Variants in ZNF226 observed in about 807,000 individuals in gnomAD.
ZNF226 encodes the protein zinc finger protein 226.
A neutral mutation model predicts 11.4 loss-of-function variants in ZNF226; 6 were observed. The observed-to-expected ratio is 0.53, with a 90% CI of 0.29 to 1.04. The LOEUF is 1.04. ZNF226 is among the 50% of genes least tolerant of loss of function. The pLI, the probability that ZNF226 is intolerant of heterozygous loss-of-function variation, is 0.08. For synonymous variants in ZNF226, 350 were observed against 322.8 expected, an observed-to-expected ratio of 1.08 and a Z score of -0.90; for missense variants, 1,058 against 956.5, an observed-to-expected ratio of 1.11 and a Z score of -1.40.
chr19:44,198,312 A>G, the ZNF226 span, among the ~76,000 whole-genome samples: 1 of 152,102 alleles, frequency 6.6e-6, no homozygotes, highest in Non-Finnish European at 1.5e-5. Flanking sequence ...CAGATTTTAG[A>G]CTCAGCTTGC....
chr19:44,192,457 G>GA, the ZNF226 span, among the ~76,000 whole-genome samples: 1 of 151,900 alleles, frequency 6.6e-6, no homozygotes, highest in East Asian at 1.9e-4. Context: ...TAATCAGAGT[G>GA]AAAAAAGCTT....
downstream of ZNF226, among the ~76,000 whole-genome samples, chr19:44,182,438 G>C (rs1170618562): frequency 6.6e-6 from 1 of 152,166 alleles, no homozygotes; most frequent in African/African-American, 2.4e-5. Context: ...GCAGTGCGGG[G>C]GTTTGGAAAT....
chr19:44,168,305 CT>C (rs1414948246), intron 2 of ZNF226, among the ~76,000 whole-genome samples: 11 of 147,200 alleles, frequency 7.5e-5, no homozygotes, highest in African/African-American at 2.8e-4. Context: ...TTGTTTTTGT[CT>C]TTTTGCTGAA....
chr19:44,175,348 A>G, intron 5 of ZNF226, 150 bp from the exon 6 acceptor site: 1 of 1,418,542 alleles, frequency 7.0e-7, no homozygotes, highest in Non-Finnish European at 9.1e-7. Flanking sequence ...GGTTTCTGTC[A>G]GTATGTAAAC....
chr19:44,176,120 A>G lies in ZNF226; in HGVS notation c.858A>G (p.Gly286=), dbSNP rs1351763656. ...GEKSLTCVER[G]KGFCYSPVLP... ...AGTCTCTTACATGTGTTGAGCGTGG[A>G]AAAGGCTTCTGTTACAGCCCAGTTC... The change falls in exon 6 of 6, where the codon GGA becomes GGG. Residue 286 remains glycine, a synonymous_variant. Transcript: ENST00000337433. 6.2e-7 allele frequency: 1 copy of G among 1,614,204 alleles called. No individual in the cohort carries two copies. The highest frequency in any genetic ancestry group is 8.5e-7 in the Non-Finnish European group (1 of 1,180,026).
Position 44,172,051 on chromosome 19 carries a change from T to C in ZNF226, c.16-37T>C, listed in dbSNP as rs373907228. The C allele has an allele frequency of 8.8e-6, 14 of 1,594,214 alleles. No individual in the cohort carries two copies. In the African/African-American group the frequency reaches 1.9e-4, roughly 21 times the overall value. Reference sequence around the variant, plus strand: ...AGTGTTACCCATCTTCTAGTGGACATTGGTTGTAAGATTGAGGTCATTTGT... The same window carrying C: ...AGTGTTACCCATCTTCTAGTGGACACTGGTTGTAAGATTGAGGTCATTTGT... On this transcript the variant is annotated intron_variant, in intron 3 of 5. Transcript: ENST00000337433.
At chr19:44,185,769 C>G in the ZNF226 span, among the ~76,000 whole-genome samples, 3 of 152,096 alleles carry the variant, frequency 2.0e-5, no homozygotes, top group Admixed American at 6.6e-5. Flanking sequence ...TTGATATAAT[C>G]CCATTTGTCT....
Position 44,177,361 on chromosome 19 carries a change from A to C in ZNF226, c.2099A>C (p.Lys700Thr), listed in dbSNP as rs770526931. The change falls in exon 6 of 6, where the codon AAA becomes ACA. Residue 700 changes from lysine to threonine, a missense_variant. Transcript: ENST00000337433. ...QRVHTGEKPY[K>T]CGECGKYFSQ... ...GTGCACACAGGAGAAAAACCATATA[A>C]ATGTGGGGAGTGTGGTAAGTACTTC... is the stretch of plus-strand genomic sequence containing the variant. 7.4e-6 allele frequency: 12 copies of C among 1,613,882 alleles called. No homozygotes were observed. Among genetic ancestry groups the C allele is most frequent in the South Asian group, 3.3e-5 (3 of 91,064 alleles).
At chr19:44,171,041 T>G (rs1222321816) in intron 3 of ZNF226, among the ~76,000 whole-genome samples, 1 of 152,216 alleles carries the variant, frequency 6.6e-6, no homozygotes, top group Non-Finnish European at 1.5e-5. Context: ...TTTATAACAT[T>G]TATTTTTGTT....
At chr19:44,180,402 A>G (rs1288910505), downstream of ZNF226, among the ~76,000 whole-genome samples, 1 of 152,190 alleles carries the variant, frequency 6.6e-6, no homozygotes, top group African/African-American at 2.4e-5. Flanking sequence ...TTGTTCCTGG[A>G]CTGCATCTTC....
chr19:44,182,339 G>A (rs1970917210), downstream of ZNF226, among the ~76,000 whole-genome samples: 1 of 145,858 alleles, frequency 6.9e-6, no homozygotes, highest in African/African-American at 2.8e-5. Flanking sequence ...CACACGTGAT[G>A]CGCGCGCGCG....
chr19:44,166,465 A>C (rs1252705222), intron 2 of ZNF226, among the ~76,000 whole-genome samples: 1 of 152,152 alleles, frequency 6.6e-6, no homozygotes, highest in Non-Finnish European at 1.5e-5. Context: ...ACACCGGTGC[A>C]CTCCAGCCTC....
intron 3 of ZNF226, among the ~76,000 whole-genome samples, chr19:44,171,260 AT>A (rs199579437): frequency 2.0e-5 from 3 of 151,962 alleles, no homozygotes; most frequent in Admixed American, 2.0e-4. Context: ...GGTACTTCAG[AT>A]TTTTTTTGAT....
chr19:44,184,406 C>G, the ZNF226 span, among the ~76,000 whole-genome samples: 1 of 151,992 alleles, frequency 6.6e-6, no homozygotes, highest in Admixed American at 6.6e-5. Context: ...ATGGTGAAAC[C>G]CTGTCTCTAC....
At position 44,170,458 on chromosome 19, in the gene ZNF226, C is replaced by T. The variant is rs567111094; in HGVS notation, c.15+363C>T. Among the ~76,000 whole-genome samples, 299 of 151,640 alleles carry T rather than the reference C, an allele frequency of 2.0e-3. 1 individual carries two copies. Among genetic ancestry groups the T allele is most frequent in the Middle Eastern group, 3.4e-3 (1 of 294 alleles). ...TTTACTAAAAATACAAAAATTAGGCCGGGCATGGTGGCTCACGCCTGTAAT... is the reference window on the plus strand; with the variant it reads ...TTTACTAAAAATACAAAAATTAGGCTGGGCATGGTGGCTCACGCCTGTAAT... On this transcript the variant is annotated intron_variant, in intron 3 of 5. Transcript: ENST00000337433.
chr19:44,195,684 G>A, the ZNF226 span, among the ~76,000 whole-genome samples: 3 of 152,192 alleles, frequency 2.0e-5, no homozygotes, highest in Non-Finnish European at 4.4e-5. Flanking sequence ...GTGTAAGGTT[G>A]TGGTGGCCTT....
chr19:44,165,411 C>T (rs1969248727), intron 1 of ZNF226, among the ~76,000 whole-genome samples: 1 of 152,078 alleles, frequency 6.6e-6, no homozygotes, highest in Non-Finnish European at 1.5e-5. Context: ...CCAGCCCTAC[C>T]ACTTCATACA....
chr19:44,170,019 C>G lies in ZNF226; in HGVS notation c.-46-16C>G, dbSNP rs1400965942. On this transcript the variant is annotated splice_polypyrimidine_tract_variant and intron_variant, in intron 2 of 5. Transcript: ENST00000337433. The stretch of plus-strand genomic sequence containing the variant: ...ATACTTACCCAGTTTTGATTTATTT[C>G]TCTCTTCTTTCCTAGTTCAGCTTCT... 1 of 1,550,740 alleles carries G rather than the reference C, an allele frequency of 6.4e-7. No homozygotes were observed. The highest frequency in any genetic ancestry group is 8.8e-7 in the Non-Finnish European group (1 of 1,142,400).
chr19:44,188,706 A>G, the ZNF226 span, among the ~76,000 whole-genome samples: 1 of 152,212 alleles, frequency 6.6e-6, no homozygotes, highest in East Asian at 1.9e-4. Context: ...TAATCATTAT[A>G]TGATATCCTT....
Sources: allele counts gnomAD v4.1 joint callset (sites outside exome capture counted in the v4.1 genomes callset), GRCh38; gene constraint gnomAD v4.1.1; transcripts MANE v1.5; gene names NCBI Gene and HGNC (gene_info 2026-07-23, HGNC 2026-07-21).